Variants in CTNND2 observed in about 807,000 individuals in gnomAD.
CTNND2 encodes catenin delta 2.
A neutral mutation model predicts 144.4 loss-of-function variants in CTNND2; 22 were observed. That is an observed-to-expected ratio of 0.15 (90% CI 0.11 to 0.22). The LOEUF (loss-of-function observed/expected upper bound fraction) is 0.22. CTNND2 is among the 10% of genes least tolerant of loss of function. The pLI is 1.00. For synonymous variants in CTNND2, 751 were observed against 695.6 expected, an observed-to-expected ratio of 1.08 and a Z score of -1.25; for missense variants, 1,353 against 1,618.8, an observed-to-expected ratio of 0.84 and a Z score of 2.82.
intron 10 of CTNND2, among the ~76,000 whole-genome samples, chr5:11,212,054 T>C (rs1580601348): frequency 1.3e-5 from 2 of 152,362 alleles, no homozygotes; most frequent in East Asian, 3.9e-4. Flanking sequence ...TTTTTTGTTA[T>C]GCACATATTT....
chr5:11,822,692 G>A (rs1286604089), intron 1 of CTNND2, among the ~76,000 whole-genome samples: 1 of 152,126 alleles, frequency 6.6e-6, no homozygotes, highest in Non-Finnish European at 1.5e-5. Flanking sequence ...CCATATTGGA[G>A]AGACCAGCAT....
chr5:11,657,420 T>C (rs1782971298), intron 2 of CTNND2, among the ~76,000 whole-genome samples: 1 of 152,122 alleles, frequency 6.6e-6, no homozygotes, highest in East Asian at 1.9e-4. Flanking sequence ...TTTAGCTATC[T>C]CTCTCTCTGT....
intron 21 of CTNND2, among the ~76,000 whole-genome samples, 153 bp downstream of exon 21, chr5:10,981,620 C>T (rs767602662): frequency 6.6e-5 from 10 of 151,078 alleles, no homozygotes; most frequent in Non-Finnish European, 1.2e-4. Context: ...GACACACACA[C>T]GCTGCAACAG....
chr5:11,265,888 T>G (rs943444058), intron 9 of CTNND2, among the ~76,000 whole-genome samples: 2 of 151,886 alleles, frequency 1.3e-5, no homozygotes, highest in Non-Finnish European at 2.9e-5. Flanking sequence ...ATTTTTTTAT[T>G]TTTAGTAGAG....
chr5:11,272,669 G>A (rs1169947082), intron 9 of CTNND2, among the ~76,000 whole-genome samples: 4 of 152,106 alleles, frequency 2.6e-5, no homozygotes, highest in African/African-American at 9.7e-5. Context: ...ATCAGGTCAT[G>A]GACTCCTGAA....
chr5:11,532,642 T>C (rs760306081), intron 3 of CTNND2, among the ~76,000 whole-genome samples: 5 of 152,120 alleles, frequency 3.3e-5, no homozygotes, highest in Non-Finnish European at 4.4e-5. Flanking sequence ...TAACAGAAAG[T>C]AAGAAAACTG....
intron 16 of CTNND2, among the ~76,000 whole-genome samples, chr5:11,077,915 C>A (rs994591501): frequency 3.3e-5 from 5 of 151,828 alleles, no homozygotes; most frequent in African/African-American, 1.2e-4. Flanking sequence ...TGTCCCAGGT[C>A]TCTGCAAGAA....
intron 3 of CTNND2, among the ~76,000 whole-genome samples, chr5:11,454,036 C>T (rs1186469720): frequency 6.6e-6 from 1 of 152,152 alleles, no homozygotes; most frequent in African/African-American, 2.4e-5. Context: ...ATTAACTGTT[C>T]TTAGCAGCAA....
chr5:11,074,635 A>T (rs1748717569), intron 16 of CTNND2, among the ~76,000 whole-genome samples: 1 of 152,212 alleles, frequency 6.6e-6, no homozygotes, highest in African/African-American at 2.4e-5. Flanking sequence ...CATTCAGGAC[A>T]GTATTGATAT....
intron 1 of CTNND2, among the ~76,000 whole-genome samples, chr5:11,859,725 ACT>A (rs972044120): frequency 2.6e-5 from 4 of 152,184 alleles, no homozygotes; most frequent in African/African-American, 4.8e-5. Context: ...TTGTCTCAAT[ACT>A]CTCTCTTCCA....
intron 3 of CTNND2, among the ~76,000 whole-genome samples, chr5:11,529,800 T>C (rs748128898): frequency 8.5e-5 from 13 of 152,110 alleles, no homozygotes; most frequent in Non-Finnish European, 1.3e-4. Context: ...TCTAAAATCA[T>C]GGATTTGAGA....
At chr5:11,310,334 A>G (rs1580864406) in intron 9 of CTNND2, among the ~76,000 whole-genome samples, 1 of 151,954 alleles carries the variant, frequency 6.6e-6, no homozygotes, top group South Asian at 2.1e-4. Flanking sequence ...GACTGAGAGA[A>G]CTGCCATATC....
intron 9 of CTNND2, among the ~76,000 whole-genome samples, chr5:11,326,834 C>T (rs1752585395): frequency 6.6e-6 from 1 of 152,148 alleles, no homozygotes; most frequent in Admixed American, 6.5e-5. Context: ...GGGGGTCTTG[C>T]TAATGCAGAT....
intron 1 of CTNND2, among the ~76,000 whole-genome samples, chr5:11,760,270 C>T (rs191191940): frequency 5.8e-4 from 89 of 152,180 alleles, no homozygotes; most frequent in African/African-American, 2.1e-3. Flanking sequence ...CTCCATTCCA[C>T]AATCCTTGTT....
At position 11,709,956 on chromosome 5, in the gene CTNND2, G is replaced by T. The variant is rs1239041049; in HGVS notation, c.174+22180C>A. On this transcript the variant is annotated intron_variant, in intron 2 of 21. Coordinates refer to ENST00000304623, the MANE Select transcript of CTNND2 (RefSeq NM_001332.4). ...AAGAGTTATTTAGAAAAATGCCTTT[G>T]GTGTTCCACTTAAGATCCATGAATG... 2.0e-5 allele frequency among the ~76,000 whole-genome samples: 3 copies of T among 152,010 alleles called. No homozygotes were observed. In the East Asian group the frequency reaches 5.8e-4, roughly 29 times the overall value.
chr5:11,573,506 T>C (rs1777742313), intron 2 of CTNND2, among the ~76,000 whole-genome samples: 1 of 152,096 alleles, frequency 6.6e-6, no homozygotes. Flanking sequence ...GACAGGGTAA[T>C]AATTGGAAGC....
intron 2 of CTNND2, chr5:11,589,085 G>GA (rs1193021440): frequency 1.7e-5 from 16 of 959,186 alleles, no homozygotes; most frequent in Non-Finnish European, 2.0e-5. Context: ...TCTTAAAAGA[G>GA]AAAAGAATAG....
chr5:10,988,328 A>C lies in CTNND2; in HGVS notation c.3212-86T>G. On this transcript the variant is annotated intron_variant, in intron 19 of 21. Coordinates refer to ENST00000304623, the MANE Select transcript of CTNND2 (RefSeq NM_001332.4). This position sits in a 1 kb window ranked among gnomAD's most constrained non-coding sequence, Gnocchi z 5.9. ...CACACAGTCAGGGTCCTCACTATGC[A>C]TGGTCCCGCATCTCAATGCCTACGT... The C allele has an allele frequency of 6.6e-7, 1 of 1,507,216 alleles. No individual in the cohort carries two copies. The highest frequency in any genetic ancestry group is 1.2e-5 in the South Asian group (1 of 83,598). 93.4% of individuals were successfully genotyped at this position (1,507,216 alleles called of 1,614,324 possible). A position where few individuals can be genotyped will look rare whatever the true frequency, so the allele number is the denominator to read the frequency against.
chr5:11,140,106 C>A lies in CTNND2; in HGVS notation c.2159+19470G>T, dbSNP rs376682884. On this transcript the variant is annotated intron_variant, in intron 12 of 21. Coordinates refer to ENST00000304623, the MANE Select transcript of CTNND2 (RefSeq NM_001332.4). ...AATTCCATCTGCAACCTTAATTTTCCCTTGCCATGTAATTTAAGGTCTTCA... is the reference window on the plus strand; with the variant it reads ...AATTCCATCTGCAACCTTAATTTTCACTTGCCATGTAATTTAAGGTCTTCA... Among the ~76,000 whole-genome samples the A allele has an allele frequency of 7.2e-5, 11 of 152,312 alleles. No homozygotes were observed. In the East Asian group the frequency reaches 1.5e-3, roughly 21 times the overall value.
Sources: gnomAD v4.1 joint callset for allele counts (sites outside exome capture counted in the v4.1 genomes callset) on GRCh38, gnomAD v4.1.1 for gene constraint, Gnocchi (gnomAD v3.1) non-coding constraint, MANE v1.5 for transcripts, NCBI Gene and HGNC (gene_info 2026-07-23, HGNC 2026-07-21) for gene names.